ATP6V1H: variants seen among roughly 807,000 people sequenced by gnomAD.
ATP6V1H encodes the protein V-type proton ATPase subunit H.
A neutral mutation model predicts 71.7 loss-of-function variants in ATP6V1H; 39 were observed. That is an observed-to-expected ratio of 0.54 (90% CI 0.42 to 0.71). The LOEUF (loss-of-function observed/expected upper bound fraction) is 0.71, where lower values mean the gene tolerates loss of function less well. ATP6V1H is among the 30% of genes least tolerant of loss of function. The pLI, the probability that ATP6V1H is intolerant of heterozygous loss-of-function variation, is 0.00. For missense variants in ATP6V1H, 509 were observed against 594.9 expected (o/e 0.86, Z 1.50); for synonymous variants, 192 against 199.3 (o/e 0.96, Z 0.31).
At chr8:53,768,904 CA>C (rs1808557953) in intron 11 of ATP6V1H, among the ~76,000 whole-genome samples, 1 of 152,142 alleles carries the variant, frequency 6.6e-6, no homozygotes, top group East Asian at 1.9e-4. Flanking sequence ...ACGGTTTAAA[CA>C]GATGAATTGT....
At chr8:53,817,239 A>G (rs1331895533) in intron 5 of ATP6V1H, among the ~76,000 whole-genome samples, 178 bp downstream of exon 5, 1 of 113,472 alleles carries the variant, frequency 8.8e-6, no homozygotes, top group African/African-American at 3.9e-5. Flanking sequence ...TTTGTATTTA[A>G]AAAAAAAAAA....
At chr8:53,762,927 C>G (rs113278523) in intron 11 of ATP6V1H, among the ~76,000 whole-genome samples, 4 of 152,184 alleles carry the variant, frequency 2.6e-5, no homozygotes, top group Non-Finnish European at 4.4e-5. Context: ...GGATGAAGAC[C>G]TTTACAATGA....
chr8:53,748,207 TG>T (rs1807674321), intron 12 of ATP6V1H, among the ~76,000 whole-genome samples: 2 of 151,584 alleles, frequency 1.3e-5, no homozygotes, highest in African/African-American at 4.9e-5. Flanking sequence ...TTCAGTAAAA[TG>T]TAAGCTCCAT....
intron 2 of ATP6V1H, chr8:53,839,683 G>A (rs553886432): frequency 1.2e-4 from 115 of 985,286 alleles, no homozygotes; most frequent in African/African-American, 9.4e-4. Flanking sequence ...TCTAACTCCC[G>A]GCTACAAGAT....
intron 12 of ATP6V1H, among the ~76,000 whole-genome samples, chr8:53,747,531 TTTTTTTTTCC>T (rs1301909180): frequency 5.3e-5 from 8 of 151,986 alleles, no homozygotes; most frequent in South Asian, 4.2e-4. Flanking sequence ...AAGCTCTTTT[TTTTTTTTTCC>T]TTTTTTTTCC....
At chr8:53,723,474 A>C (rs992784829) in intron 13 of ATP6V1H, among the ~76,000 whole-genome samples, 3 of 152,206 alleles carry the variant, frequency 2.0e-5, no homozygotes, top group African/African-American at 7.2e-5. Context: ...GGCCTTGCTA[A>C]AATGACACTG....
intron 4 of ATP6V1H, among the ~76,000 whole-genome samples, chr8:53,820,289 T>TA (rs997588234): frequency 2.7e-5 from 4 of 147,362 alleles, no homozygotes; most frequent in African/African-American, 5.0e-5. Context: ...TAATAAGGTT[T>TA]AAAAAAAAAG....
intron 13 of ATP6V1H, among the ~76,000 whole-genome samples, chr8:53,722,512 C>T (rs1037915421): frequency 6.6e-6 from 1 of 152,088 alleles, no homozygotes; most frequent in Admixed American, 6.5e-5. Flanking sequence ...AAAGATAGCA[C>T]GTAAGCAAAG....
At chr8:53,741,101 C>G (rs1264181364) in intron 13 of ATP6V1H, among the ~76,000 whole-genome samples, 1 of 152,100 alleles carries the variant, frequency 6.6e-6, no homozygotes, top group African/African-American at 2.4e-5. Context: ...TCATAAAGAG[C>G]AAATAAACCA....
At position 53,819,707 on chromosome 8, in the gene ATP6V1H, T is replaced by C. The variant is rs1810584812; in HGVS notation, c.307-2177A>G. ...ATACAAATGTATATATGTATATACG[T>C]ATATACATATACTTTGTATATATAT... On this transcript the variant is annotated intron_variant, in intron 4 of 13. Transcript: ENST00000359530. Among the ~76,000 whole-genome samples the C allele has an allele frequency of 2.2e-5, 3 of 135,360 alleles. No homozygotes were observed. The East Asian group carries it at 6.8e-4, about 31-fold the overall frequency. The allele number at this position is 135,360 out of a possible 152,430, so 88.8% of individuals were successfully genotyped here. A position where few individuals can be genotyped will look rare whatever the true frequency, so the allele number is the denominator to read the frequency against.
intron 9 of ATP6V1H, among the ~76,000 whole-genome samples, chr8:53,773,697 C>T (rs1163977116): frequency 6.6e-6 from 1 of 152,164 alleles, no homozygotes; most frequent in African/African-American, 2.4e-5. Context: ...AGACCCAAAT[C>T]CTATCTGAAT....
At chr8:53,755,738 A>AT (rs1808024306) in intron 12 of ATP6V1H, among the ~76,000 whole-genome samples, 1 of 2,224 alleles carries the variant, frequency 4.5e-4, no homozygotes, top group Non-Finnish European at 6.5e-4. Flanking sequence ...ATATATATAT[A>AT]TATATATTTT....
At chr8:53,793,623 T>C (rs1024449503) in intron 9 of ATP6V1H, among the ~76,000 whole-genome samples, 2 of 151,868 alleles carry the variant, frequency 1.3e-5, no homozygotes, top group African/African-American at 2.4e-5. Context: ...CCAGCCTGGA[T>C]GACAGAGTAA....
At chr8:53,740,881 A>T (rs1320765783) in intron 13 of ATP6V1H, among the ~76,000 whole-genome samples, 4 of 152,220 alleles carry the variant, frequency 2.6e-5, no homozygotes, top group Non-Finnish European at 5.9e-5. Context: ...TCTCTGGCAC[A>T]GGGAGCCACA....
intron 9 of ATP6V1H, among the ~76,000 whole-genome samples, chr8:53,777,549 T>G (rs1283979665): frequency 6.6e-6 from 1 of 152,084 alleles, no homozygotes; most frequent in South Asian, 2.1e-4. Context: ...ACTAAAATCA[T>G]TTTTTATAAT....
chr8:53,806,820 C>T, intron 7 of ATP6V1H: 1 of 453,332 alleles, frequency 2.2e-6, no homozygotes, highest in South Asian at 1.6e-5. Flanking sequence ...ATTTTATAAT[C>T]AAGTGTTGAA....
chr8:53,806,063 A>G (rs1810066518), intron 7 of ATP6V1H, among the ~76,000 whole-genome samples: 1 of 152,146 alleles, frequency 6.6e-6, no homozygotes, highest in Non-Finnish European at 1.5e-5. Context: ...TCCTTTATGT[A>G]AGTTATGACA....
chr8:53,732,963 G>C (rs919850996), intron 13 of ATP6V1H, among the ~76,000 whole-genome samples: 1 of 152,164 alleles, frequency 6.6e-6, no homozygotes, highest in Admixed American at 6.5e-5. Context: ...GGCCGTGCTC[G>C]AGCTATGCAA....
rs749488538 is a variant in ATP6V1H, at chr8:53,829,435, T to A, written c.306+9A>T. ...GTCACCAAATGTGTTAAGTAAAGAA[T>A]ATACCTACCTGCAGCATATCATCCA... On this transcript the variant is annotated intron_variant, in intron 4 of 13. Transcript: ENST00000359530. The A allele has an allele frequency of 2.5e-6, 4 of 1,586,966 alleles. No individual in the cohort carries two copies. Among genetic ancestry groups the A allele is most frequent in the Non-Finnish European group, 3.4e-6 (4 of 1,160,770 alleles).
Sources: gnomAD v4.1 joint callset for allele counts (sites outside exome capture counted in the v4.1 genomes callset) on GRCh38, gnomAD v4.1.1 for gene constraint, MANE v1.5 for transcripts, NCBI Gene and HGNC (gene_info 2026-07-23, HGNC 2026-07-21) for gene names.